The following COL25A1 variants were observed in gnomAD, a reference collection of about 807,000 sequenced individuals.
COL25A1 encodes collagen type XXV alpha 1 chain.
A neutral mutation model predicts 128.4 loss-of-function variants in COL25A1; 103 were observed. That is an observed-to-expected ratio of 0.80 (90% CI 0.68 to 0.94). The LOEUF (loss-of-function observed/expected upper bound fraction) is 0.94, where lower values mean the gene tolerates loss of function less well. COL25A1 is among the 40% of genes least tolerant of loss of function. The pLI is 0.00. For synonymous variants in COL25A1, 279 were observed against 277.2 expected, an observed-to-expected ratio of 1.01 and a Z score of -0.06; for missense variants, 745 against 840.0, an observed-to-expected ratio of 0.89 and a Z score of 1.40.
intron 13 of COL25A1, among the ~76,000 whole-genome samples, chr4:108,912,852 A>G (rs980654030): frequency 1.3e-5 from 2 of 152,178 alleles, no homozygotes; most frequent in Non-Finnish European, 1.5e-5. Context: ...TCAGTGAAGA[A>G]CTGTGTTATC....
rs142252035 is a variant in COL25A1 at position 108,935,528 on chromosome 4, T to C, written c.708+2280A>G. 2.3e-3 allele frequency among the ~76,000 whole-genome samples: 355 copies of C among 152,288 alleles called. 2 individuals carry two copies. The highest frequency in any genetic ancestry group is 8.2e-3 in the African/African-American group (341 of 41,558). On this transcript the variant is annotated intron_variant, in intron 11 of 37. Transcript: ENST00000399132. ...TGCCATTTAGATCACTTAATATATATATCCTTGAAACATTTGTCATTTTCA... is the reference window on the plus strand; with the variant it reads ...TGCCATTTAGATCACTTAATATATACATCCTTGAAACATTTGTCATTTTCA...
intron 3 of COL25A1, among the ~76,000 whole-genome samples, chr4:109,077,284 C>T (rs1277231015): frequency 3.9e-5 from 6 of 152,146 alleles, no homozygotes; most frequent in Non-Finnish European, 8.8e-5. Context: ...GAATCCATAT[C>T]TATACAGCAA....
chr4:108,932,444 AGCAAATATTTCTGAGTTTTGAACTC>A (rs1746864559), intron 11 of COL25A1, among the ~76,000 whole-genome samples: 1 of 152,238 alleles, frequency 6.6e-6, no homozygotes, highest in Admixed American at 6.5e-5. Flanking sequence ...GCACCACAAC[AGCAAATATTTCTGAGTTTTGAACTC>A]TCAGATACCA....
chr4:109,108,701 C>T (rs1044299193), intron 3 of COL25A1, among the ~76,000 whole-genome samples: 2 of 151,614 alleles, frequency 1.3e-5, no homozygotes, highest in Non-Finnish European at 1.5e-5. Context: ...CTCTCTTTCT[C>T]CAATCCTTCA....
chr4:108,877,252 AC>A (rs1209229495), intron 19 of COL25A1, among the ~76,000 whole-genome samples: 1 of 152,164 alleles, frequency 6.6e-6, no homozygotes, highest in African/African-American at 2.4e-5. Context: ...ATCATCTCAC[AC>A]TGATCTTTCC....
chr4:108,964,076 AAAT>A (rs1309597938), intron 8 of COL25A1, among the ~76,000 whole-genome samples: 2 of 150,318 alleles, frequency 1.3e-5, no homozygotes, highest in African/African-American at 4.9e-5. Context: ...TAATTTAATT[AAAT>A]AATGTGAATA....
intron 3 of COL25A1, among the ~76,000 whole-genome samples, chr4:109,270,470 A>G (rs1246622724): frequency 1.3e-5 from 2 of 152,218 alleles, no homozygotes; most frequent in Non-Finnish European, 2.9e-5. Context: ...CCCATTCACA[A>G]CTGCTTCAAA....
At chr4:109,270,568 C>G (rs527301828) in intron 3 of COL25A1, among the ~76,000 whole-genome samples, 13 of 152,150 alleles carry the variant, frequency 8.5e-5, no homozygotes, top group Non-Finnish European at 1.9e-4. Context: ...GAGCCTGCTC[C>G]TGGAGAATAC....
Position 108,895,857 on chromosome 4 carries a change from C to CT in COL25A1, c.906+809dup, listed in dbSNP as rs368195331. 2.6e-3 allele frequency among the ~76,000 whole-genome samples: 384 copies of CT among 147,914 alleles called. 3 individuals are homozygous for CT. The highest frequency in any genetic ancestry group is 9.1e-3 in the African/African-American group (370 of 40,438). On this transcript the variant is annotated intron_variant, in intron 16 of 37. Coordinates refer to ENST00000399132, the MANE Select transcript of COL25A1 (RefSeq NM_198721.4). Reference sequence around the variant, plus strand: ...TACACTATTATACCCAATGTGTAGTCTTTTATCCTCACCCCCTTTCCCATA... The same window carrying CT: ...TACACTATTATACCCAATGTGTAGTCTTTTTATCCTCACCCCCTTTCCCATA...
At chr4:108,969,139 T>C (rs1423454173) in intron 8 of COL25A1, among the ~76,000 whole-genome samples, 1 of 152,200 alleles carries the variant, frequency 6.6e-6, no homozygotes, top group Non-Finnish European at 1.5e-5. Context: ...TTTCCCTCTT[T>C]GTCTACTCAG....
chr4:109,099,033 GGGCAT>G (rs1171814600), intron 3 of COL25A1, among the ~76,000 whole-genome samples: 1 of 152,128 alleles, frequency 6.6e-6, no homozygotes, highest in Non-Finnish European at 1.5e-5. Context: ...AAAGCATTCA[GGGCAT>G]GTAGGGCACA....
In COL25A1 at chr4:109,233,700, G is replaced by A. The variant is rs558715260; in HGVS notation, c.367+66883C>T. Among the ~76,000 whole-genome samples, 16 of 152,208 alleles carry A rather than the reference G, an allele frequency of 1.1e-4. No homozygotes were observed. The East Asian group carries it at 2.5e-3, about 24-fold the overall frequency. On this transcript the variant is annotated intron_variant, in intron 3 of 37. Coordinates refer to ENST00000399132, the MANE Select transcript of COL25A1 (RefSeq NM_198721.4). ...ACATACTTCACAAAGATATTGTGAA[G>A]AATGACTAATAAACGAGGCCTTTGA...
chr4:109,214,287 T>C (rs1381929509), intron 3 of COL25A1, among the ~76,000 whole-genome samples: 3 of 152,094 alleles, frequency 2.0e-5, no homozygotes, highest in East Asian at 3.9e-4. Context: ...TTTCATACAA[T>C]AGCATTAAAA....
intron 3 of COL25A1, among the ~76,000 whole-genome samples, chr4:109,250,889 T>C (rs763610745): frequency 6.6e-6 from 1 of 152,144 alleles, no homozygotes; most frequent in Non-Finnish European, 1.5e-5. Flanking sequence ...CCATACTTAA[T>C]CTCCAATTAA....
chr4:109,015,590 G>GACTC (rs2126055152), intron 5 of COL25A1, among the ~76,000 whole-genome samples: 2 of 152,280 alleles, frequency 1.3e-5, no homozygotes, highest in Admixed American at 6.5e-5. Flanking sequence ...CTGGGTCACT[G>GACTC]ACTCACTGTA....
chr4:108,959,785 A>G, intron 8 of COL25A1, among the ~76,000 whole-genome samples: 1 of 152,130 alleles, frequency 6.6e-6, no homozygotes. Flanking sequence ...TACTGGTGAC[A>G]TAGCAAGCTT....
intron 23 of COL25A1, among the ~76,000 whole-genome samples, chr4:108,860,165 G>T (rs1363367820): frequency 6.6e-6 from 1 of 152,106 alleles, no homozygotes; most frequent in African/African-American, 2.4e-5. Context: ...AGGCTGGAAT[G>T]CAGTAGCGTG....
At chr4:109,053,772 G>C in intron 3 of COL25A1, among the ~76,000 whole-genome samples, 1 of 152,128 alleles carries the variant, frequency 6.6e-6, no homozygotes, top group East Asian at 1.9e-4. Flanking sequence ...TAAACACACA[G>C]GAAGCATTTA....
intron 19 of COL25A1, among the ~76,000 whole-genome samples, chr4:108,871,438 C>A (rs1011147581): frequency 2.0e-5 from 3 of 152,110 alleles, no homozygotes; most frequent in Non-Finnish European, 2.9e-5. Flanking sequence ...GCCTCAGCCT[C>A]CCGAGTAGCT....
Sources: gnomAD v4.1 joint callset for allele counts (sites outside exome capture counted in the v4.1 genomes callset) on GRCh38, gnomAD v4.1.1 for gene constraint, MANE v1.5 for transcripts, NCBI Gene and HGNC (gene_info 2026-07-23, HGNC 2026-07-21) for gene names.